Variants in HS6ST2 observed in about 807,000 individuals in gnomAD.
HS6ST2 encodes the protein heparan sulfate 6-O-sulfotransferase 2.
A neutral mutation model predicts 33.0 loss-of-function variants in HS6ST2; 17 were observed. The observed-to-expected ratio is 0.52, with a 90% CI of 0.35 to 0.77. The LOEUF (loss-of-function observed/expected upper bound fraction) is 0.77. Ranked by LOEUF, HS6ST2 falls within the 30% of genes least tolerant of loss-of-function variation. The probability of loss-of-function intolerance (pLI) is 0.01; values close to 1 mark genes in which losing one functional copy is unlikely to be tolerated. For synonymous variants in HS6ST2, 248 were observed against 237.1 expected, an observed-to-expected ratio of 1.05 and a Z score of -0.42; for missense variants, 519 against 551.7, an observed-to-expected ratio of 0.94 and a Z score of 0.59.
At chrX:132,904,476 T>C (rs1251020497) in intron 2 of HS6ST2, among the ~76,000 whole-genome samples, 1 of 103,817 alleles carries the variant, frequency 9.6e-6, no homozygotes, top group Non-Finnish European at 2.0e-5. Flanking sequence ...TATCTTCCAC[T>C]TTATTAGAGT....
At position 132,873,112 on chromosome X, in the gene HS6ST2, T is replaced by C. The variant is rs950180362; in HGVS notation, c.947+83696A>G. On this transcript the variant is annotated intron_variant, in intron 2 of 4. Coordinates refer to ENST00000370833, the MANE Select transcript of HS6ST2 (RefSeq NM_001394073.1). ...GTTGTCACTGGTAAACACTGAAATA[T>C]GTAACATGGCTATTTTGCGATGGGG... Among the ~76,000 whole-genome samples the C allele has an allele frequency of 2.7e-5, 3 of 111,928 alleles. No individual in the cohort carries two copies. The Admixed American group carries it at 2.8e-4, about 11-fold the overall frequency.
chrX:132,927,932 A>C lies in HS6ST2; in HGVS notation c.947+28876T>G, dbSNP rs1389306020. 4.5e-5 allele frequency among the ~76,000 whole-genome samples: 5 copies of C among 110,825 alleles called. No individual in the cohort carries two copies. In the South Asian group the frequency reaches 1.9e-3, roughly 43 times the overall value. ...ATGCCAGAGACTGGGTAATTTATAA[A>C]GAAAAGAGGTTTAATTAGCTCATGG... is the stretch of plus-strand genomic sequence containing the variant. On this transcript the variant is annotated intron_variant, in intron 2 of 4. Transcript: ENST00000370833.
chrX:132,660,515 T>C (rs2063763709), intron 4 of HS6ST2, among the ~76,000 whole-genome samples: 1 of 111,292 alleles, frequency 9.0e-6, no homozygotes, highest in Admixed American at 9.6e-5. Context: ...CTATGAACTT[T>C]AGGGTTTATT....
intron 2 of HS6ST2, among the ~76,000 whole-genome samples, chrX:132,804,078 G>A (rs2065258901): frequency 8.9e-6 from 1 of 111,993 alleles, no homozygotes. Context: ...GAAAATCAAT[G>A]CTGAACTAAA....
intron 2 of HS6ST2, among the ~76,000 whole-genome samples, chrX:132,901,316 C>T (rs2066424223): frequency 1.8e-5 from 2 of 111,557 alleles, no homozygotes; most frequent in African/African-American, 6.5e-5. Context: ...GACAGGTTGT[C>T]ATGCAGCAAT....
At chrX:132,941,667 G>A (rs761744352) in intron 2 of HS6ST2, among the ~76,000 whole-genome samples, 3 of 112,186 alleles carry the variant, frequency 2.7e-5, no homozygotes, top group South Asian at 7.4e-4. Flanking sequence ...TTTTGTGTGC[G>A]CATGTGTATA....
In HS6ST2 at chrX:132,942,314, C is replaced by A. The variant is rs776444531; in HGVS notation, c.947+14494G>T. Among the ~76,000 whole-genome samples the A allele has an allele frequency of 1.4e-4, 16 of 112,136 alleles. No homozygotes were observed. In the South Asian group the frequency reaches 2.6e-3, roughly 18 times the overall value. ...GGCCATCAGCCCAATGTCACACTGGCCTCTGGTTGTTTTTTTATGGTTCTT... is the reference window on the plus strand; with the variant it reads ...GGCCATCAGCCCAATGTCACACTGGACTCTGGTTGTTTTTTTATGGTTCTT... On this transcript the variant is annotated intron_variant, in intron 2 of 4. Transcript: ENST00000370833.
Position 132,958,490 on chromosome X carries a change from A to C in HS6ST2, c.113T>G (p.Leu38Trp), listed in dbSNP as rs1036503456. 18 of 1,194,713 alleles carry C rather than the reference A, an allele frequency of 1.5e-5. No homozygotes were observed. Among genetic ancestry groups the C allele is most frequent in the Non-Finnish European group, 2.0e-5 (18 of 888,928 alleles). The change falls in exon 1 of 5, where the codon TTG becomes TGG. Residue 38 changes from leucine to tryptophan, a missense_variant. Physicochemically the swap from Leu to Trp is moderately conservative, Grantham distance 61 (BLOSUM62 -2). Coordinates refer to ENST00000370833, the MANE Select transcript of HS6ST2 (RefSeq NM_001394073.1). Reference protein sequence around the residue: ...PRRHSRVEAELAASRPGSVAA... With the variant: ...PRRHSRVEAEWAASRPGSVAA... ...GACCGACCCGGGCCGGCTCGCTGCC[A>C]ATTCGGCCTCTACTCTGGAATGCCG... is the stretch of plus-strand genomic sequence containing the variant.
At chrX:132,882,519 T>C (rs1487981188) in intron 2 of HS6ST2, among the ~76,000 whole-genome samples, 1 of 103,965 alleles carries the variant, frequency 9.6e-6, no homozygotes, top group Non-Finnish European at 2.0e-5. Flanking sequence ...CTTAAGGACA[T>C]TTTGGGCTGA....
intron 2 of HS6ST2, among the ~76,000 whole-genome samples, chrX:132,932,143 G>A (rs755335374): frequency 2.0e-4 from 21 of 102,517 alleles, no homozygotes; most frequent in African/African-American, 7.2e-4. Context: ...CCGAGATTGC[G>A]CCACTGCACT....
intron 2 of HS6ST2, among the ~76,000 whole-genome samples, chrX:132,933,510 C>T (rs1225661866): frequency 9.1e-6 from 1 of 109,853 alleles, no homozygotes; most frequent in African/African-American, 3.3e-5. Context: ...CCAGAATACA[C>T]CTAATGGAAG....
chrX:132,907,812 A>G (rs1428865824), intron 2 of HS6ST2, among the ~76,000 whole-genome samples: 1 of 112,634 alleles, frequency 8.9e-6, no homozygotes, highest in Non-Finnish European at 1.9e-5. Context: ...AGCTAAAACA[A>G]TAAAACTCTT....
At chrX:132,922,486 C>A (rs776496952) in intron 2 of HS6ST2, among the ~76,000 whole-genome samples, 13 of 111,860 alleles carry the variant, frequency 1.2e-4, no homozygotes, top group Non-Finnish European at 2.1e-4. Flanking sequence ...TGGTCCTTAT[C>A]CAAATCTGAC....
chrX:132,637,759 AAAT>A (rs1423190931), intron 4 of HS6ST2, among the ~76,000 whole-genome samples: 33 of 77,087 alleles, frequency 4.3e-4, no homozygotes, highest in Non-Finnish European at 5.4e-4. Context: ...TATATATATA[AAAT>A]ATTATATATT....
At chrX:132,650,471 T>C (rs1241546828) in intron 4 of HS6ST2, among the ~76,000 whole-genome samples, 1 of 111,361 alleles carries the variant, frequency 9.0e-6, no homozygotes, top group Admixed American at 9.5e-5. Context: ...TAAAAATCAG[T>C]CTGCTCATTT....
intron 2 of HS6ST2, among the ~76,000 whole-genome samples, chrX:132,888,307 A>G (rs1028211929): frequency 1.8e-5 from 2 of 111,482 alleles, no homozygotes; most frequent in Non-Finnish European, 3.8e-5. Context: ...ACAAAGGGAC[A>G]TCTTACATGG....
intron 2 of HS6ST2, among the ~76,000 whole-genome samples, chrX:132,761,979 T>C (rs774423104): frequency 8.9e-5 from 10 of 112,213 alleles, no homozygotes; most frequent in African/African-American, 3.2e-4. Context: ...AATGGGATAA[T>C]GCATGCAAAT....
intron 2 of HS6ST2, among the ~76,000 whole-genome samples, chrX:132,894,498 ATGT>A (rs1301369984): frequency 9.4e-6 from 1 of 106,714 alleles, no homozygotes; most frequent in Admixed American, 1.0e-4. Flanking sequence ...ATGTTATGTT[ATGT>A]TATGTTATGT....
chrX:132,850,447 C>A (rs1246186749), intron 2 of HS6ST2, among the ~76,000 whole-genome samples: 2 of 111,213 alleles, frequency 1.8e-5, no homozygotes, highest in African/African-American at 6.5e-5. Flanking sequence ...CAGTACAAAT[C>A]AGGCAATCTG....
Sources: allele counts gnomAD v4.1 joint callset (sites outside exome capture counted in the v4.1 genomes callset), GRCh38; gene constraint gnomAD v4.1.1; transcripts MANE v1.5; gene names NCBI Gene and HGNC (gene_info 2026-07-23, HGNC 2026-07-21).